Variants in ZDHHC2 observed in about 807,000 individuals in gnomAD.
ZDHHC2 encodes zDHHC palmitoyltransferase 2.
A neutral mutation model predicts 55.6 loss-of-function variants in ZDHHC2; 51 were observed. That is an observed-to-expected ratio of 0.92 (90% CI 0.73 to 1.16). The LOEUF is 1.16. Among genes scored for constraint, ZDHHC2 ranks in the 50% most tolerant of loss-of-function variants. The pLI, the probability that ZDHHC2 is intolerant of heterozygous loss-of-function variation, is 0.00. For synonymous variants in ZDHHC2, 199 were observed against 152.9 expected (o/e 1.30, Z -2.22); for missense variants, 491 against 442.4 (o/e 1.11, Z -0.99).
At chr8:17,199,465 A>ACTTCTTCTTCTTCGTCTT (rs1483849530) in intron 6 of ZDHHC2, among the ~76,000 whole-genome samples, 22 of 98,638 alleles carry the variant, frequency 2.2e-4, no homozygotes, top group African/African-American at 7.2e-4. Context: ...CTTTAATAAG[A>ACTTCTTCTTCTTCGTCTT]CTTCTTCTTC....
At chr8:17,167,030 T>G (rs1194535278) in intron 1 of ZDHHC2, among the ~76,000 whole-genome samples, 1 of 152,168 alleles carries the variant, frequency 6.6e-6, no homozygotes, top group East Asian at 1.9e-4. Context: ...TACAGAAAAT[T>G]TCGTGAGCGG....
At chr8:17,163,379 G>C (rs912348545) in intron 1 of ZDHHC2, among the ~76,000 whole-genome samples, 1 of 152,182 alleles carries the variant, frequency 6.6e-6, no homozygotes. Flanking sequence ...TCAGGTGTTT[G>C]ATCTTTTTTC....
intron 2 of ZDHHC2, 140 bp downstream of exon 2, chr8:17,184,955 T>A: frequency 1.4e-6 from 1 of 729,776 alleles, no homozygotes; most frequent in Non-Finnish European, 2.1e-6. Context: ...TCATTTCTCT[T>A]AAGTTTGCAG....
chr8:17,223,576 C>G lies in ZDHHC2; in HGVS notation c.*3355C>G, dbSNP rs1161638966. On this transcript the variant is annotated 3_prime_UTR_variant, in exon 13 of 13. Coordinates refer to ENST00000262096, the MANE Select transcript of ZDHHC2 (RefSeq NM_016353.5). The stretch of plus-strand genomic sequence containing the variant: ...TGTGGAAGGAGACTATGTTACATAC[C>G]TGAAGTATTACTCTTTTACAAAGAT... The G allele has an allele frequency of 6.6e-6, 1 of 151,826 alleles. No homozygotes were observed. The highest frequency in any genetic ancestry group is 1.5e-5 in the Non-Finnish European group (1 of 67,790). 9.4% of individuals were successfully genotyped at this position (151,826 alleles called of 1,614,324 possible).
intron 8 of ZDHHC2, among the ~76,000 whole-genome samples, chr8:17,208,328 A>G (rs951225570): frequency 6.7e-6 from 1 of 150,110 alleles, no homozygotes; most frequent in Non-Finnish European, 1.5e-5. Context: ...ATATCTATAT[A>G]TAGATATATA....
chr8:17,171,985 C>A (rs1563142840), intron 1 of ZDHHC2, among the ~76,000 whole-genome samples: 1 of 151,834 alleles, frequency 6.6e-6, no homozygotes, highest in Non-Finnish European at 1.5e-5. Context: ...AAGCTGACTC[C>A]CAGCACATCC....
chr8:17,205,311 A>G (rs930584937), intron 6 of ZDHHC2, among the ~76,000 whole-genome samples: 2 of 152,364 alleles, frequency 1.3e-5, no homozygotes, highest in East Asian at 1.9e-4. Flanking sequence ...AAGATGGCGT[A>G]GAGGAAGGGT....
intron 5 of ZDHHC2, 46 bp from the exon 6 acceptor site, chr8:17,198,335 A>G (rs745869088): frequency 1.3e-6 from 2 of 1,526,458 alleles, no homozygotes; most frequent in East Asian, 4.8e-5. Flanking sequence ...TAATATGATT[A>G]AAATTTCATG....
intron 12 of ZDHHC2, among the ~76,000 whole-genome samples, chr8:17,217,897 A>G (rs183507393): frequency 5.3e-5 from 8 of 152,354 alleles, no homozygotes; most frequent in African/African-American, 1.7e-4. Flanking sequence ...GGAACAAACA[A>G]CTATATAATA....
At chr8:17,183,745 C>T (rs1372483760) in intron 1 of ZDHHC2, among the ~76,000 whole-genome samples, 1 of 152,060 alleles carries the variant, frequency 6.6e-6, no homozygotes, top group Admixed American at 6.6e-5. Context: ...ACAAAGCAGC[C>T]AATTTCAACA....
chr8:17,199,494 T>TTCTTCTTCTTCG (rs1806528953), intron 6 of ZDHHC2, among the ~76,000 whole-genome samples: 1 of 105,504 alleles, frequency 9.5e-6, no homozygotes, highest in African/African-American at 5.1e-5. Flanking sequence ...CTTCTTCTTC[T>TTCTTCTTCTTCG]TCTTCTTCTT....
In ZDHHC2 at chr8:17,221,586, A is replaced by T; in HGVS notation, c.*1365A>T. 1 of 152,458 alleles carries T rather than the reference A, an allele frequency of 6.6e-6. No homozygotes were observed. Among genetic ancestry groups the T allele is most frequent in the Non-Finnish European group, 1.5e-5 (1 of 67,966 alleles). The allele number at this position is 152,458 out of a possible 1,614,324, so 9.4% of individuals were successfully genotyped here. A position where few individuals can be genotyped will look rare whatever the true frequency, so the allele number is the denominator to read the frequency against. On this transcript the variant is annotated 3_prime_UTR_variant, in exon 13 of 13. Transcript: ENST00000262096. ...TTTCAAAATCTTTGTTAAACCAAAC[A>T]TTCAACACAAAATAAACTAGAAGGC... is the stretch of plus-strand genomic sequence containing the variant.
chr8:17,163,658 T>C (rs558388524), intron 1 of ZDHHC2, among the ~76,000 whole-genome samples: 1 of 152,284 alleles, frequency 6.6e-6, no homozygotes, highest in African/African-American at 2.4e-5. Context: ...CTCCAGGAAG[T>C]GGTGTATTCA....
intron 1 of ZDHHC2, among the ~76,000 whole-genome samples, chr8:17,172,461 G>A (rs535037686): frequency 6.6e-6 from 1 of 152,256 alleles, no homozygotes; most frequent in Admixed American, 6.5e-5. Context: ...GCAGTTTAGT[G>A]GGTACAAAGT....
chr8:17,199,282 C>G (rs993603269), intron 6 of ZDHHC2, among the ~76,000 whole-genome samples: 9 of 152,194 alleles, frequency 5.9e-5, no homozygotes, highest in Admixed American at 1.3e-4. Flanking sequence ...TCGATTTTCT[C>G]CTTTAAAGCG....
At chr8:17,210,985 C>G (rs998253045) in intron 10 of ZDHHC2, among the ~76,000 whole-genome samples, 1 of 151,940 alleles carries the variant, frequency 6.6e-6, no homozygotes, top group Non-Finnish European at 1.5e-5. Context: ...ATTATCTGAG[C>G]CATTTCTGTG....
intron 1 of ZDHHC2, among the ~76,000 whole-genome samples, chr8:17,165,883 T>G (rs1175568350): frequency 2.6e-5 from 4 of 152,202 alleles, no homozygotes; most frequent in Non-Finnish European, 5.9e-5. Flanking sequence ...TGGAGAAATA[T>G]ATCTCCGGCC....
At chr8:17,190,478 C>T (rs1418748997) in intron 3 of ZDHHC2, among the ~76,000 whole-genome samples, 1 of 151,992 alleles carries the variant, frequency 6.6e-6, no homozygotes, top group African/African-American at 2.4e-5. Context: ...TGTTAGAGAC[C>T]TCTCGCTTGT....
At position 17,221,869 on chromosome 8, in the gene ZDHHC2, C is replaced by A. The variant is rs1403989956; in HGVS notation, c.*1648C>A. 1 of 151,520 alleles carries A rather than the reference C, an allele frequency of 6.6e-6. No individual in the cohort carries two copies. Among genetic ancestry groups the A allele is most frequent in the African/African-American group, 2.4e-5 (1 of 41,164 alleles). The allele number at this position is 151,520 out of a possible 1,614,324, so 9.4% of individuals were successfully genotyped here. On this transcript the variant is annotated 3_prime_UTR_variant, in exon 13 of 13. Coordinates refer to ENST00000262096, the MANE Select transcript of ZDHHC2 (RefSeq NM_016353.5). Reference sequence around the variant, plus strand: ...CTTTCATTTTAGAGCACGTTTTGGTCATTTTTAAAAATACCTAAAGTGCCA... The same window carrying A: ...CTTTCATTTTAGAGCACGTTTTGGTAATTTTTAAAAATACCTAAAGTGCCA...
Sources: gnomAD v4.1 joint callset for allele counts (sites outside exome capture counted in the v4.1 genomes callset) on GRCh38, gnomAD v4.1.1 for gene constraint, MANE v1.5 for transcripts, NCBI Gene and HGNC (gene_info 2026-07-23, HGNC 2026-07-21) for gene names.